PHTF2: variants seen among roughly 807,000 people sequenced by gnomAD.
PHTF2 encodes the protein protein PHTF2.
A neutral mutation model predicts 101.2 loss-of-function variants in PHTF2; 60 were observed. The ratio of observed to expected loss-of-function variants is 0.59; its 90% CI spans 0.48 to 0.73. The LOEUF (loss-of-function observed/expected upper bound fraction) is 0.73, where lower values mean the gene tolerates loss of function less well. Among genes scored for constraint, PHTF2 ranks in the 30% least tolerant of loss-of-function variants. PHTF2 has a pLI of 0.00. For missense variants in PHTF2, 747 were observed against 908.7 expected (o/e 0.82, Z 2.29); for synonymous variants, 311 against 307.3 (o/e 1.01, Z -0.13).
At chr7:77,812,798 C>T (rs1262460003) in intron 1 of PHTF2, among the ~76,000 whole-genome samples, 1 of 152,080 alleles carries the variant, frequency 6.6e-6, no homozygotes, top group Non-Finnish European at 1.5e-5. Context: ...ACTGTGTTAG[C>T]CAGGATGGTC....
intron 3 of PHTF2, among the ~76,000 whole-genome samples, chr7:77,880,330 A>G (rs1475074745): frequency 6.6e-6 from 1 of 152,144 alleles, no homozygotes; most frequent in Non-Finnish European, 1.5e-5. Flanking sequence ...GTAACTCAGT[A>G]AATAGGAACA....
intron 3 of PHTF2, among the ~76,000 whole-genome samples, chr7:77,891,445 G>A (rs1800399045): frequency 6.6e-6 from 1 of 151,992 alleles, no homozygotes; most frequent in African/African-American, 2.4e-5. Flanking sequence ...GTTGGTTGTT[G>A]TTTACCTAGA....
chr7:77,952,787 C>A (rs577733747), intron 18 of PHTF2, among the ~76,000 whole-genome samples: 298 of 152,248 alleles, frequency 2.0e-3, no homozygotes, highest in Admixed American at 3.9e-3. Flanking sequence ...TACATAGTCT[C>A]CTAGTCAGAA....
At chr7:77,891,578 TTTTTTG>T (rs1245037648) in intron 3 of PHTF2, among the ~76,000 whole-genome samples, 1 of 30,354 alleles carries the variant, frequency 3.3e-5, no homozygotes, top group Non-Finnish European at 5.8e-5. Context: ...AATATGGTTT[TTTTTTG>T]TTGTTGTTGT....
chr7:77,857,062 G>T (rs1797241024), intron 3 of PHTF2, among the ~76,000 whole-genome samples: 1 of 152,142 alleles, frequency 6.6e-6, no homozygotes, highest in Non-Finnish European at 1.5e-5. Flanking sequence ...GGCCAAACTG[G>T]TGGGTATGTG....
exon 10 of PHTF2, chr7:77,920,339 C>G: frequency 6.2e-7 from 1 of 1,608,608 alleles, no homozygotes; most frequent in Non-Finnish European, 8.5e-7. Context: ...GCTATGTATC[C>G]CTTGATGGGA....
intron 1 of PHTF2, among the ~76,000 whole-genome samples, chr7:77,821,164 C>T (rs560627299): frequency 1.3e-5 from 2 of 151,648 alleles, no homozygotes; most frequent in South Asian, 4.2e-4. Flanking sequence ...AATATATCAT[C>T]TCATTCTCTG....
intron 13 of PHTF2, among the ~76,000 whole-genome samples, chr7:77,938,833 G>C (rs1314282126): frequency 6.6e-6 from 1 of 152,174 alleles, no homozygotes; most frequent in Non-Finnish European, 1.5e-5. Context: ...CTCTGGACTT[G>C]TTTTTAACTT....
intron 1 of PHTF2, among the ~76,000 whole-genome samples, chr7:77,810,609 C>T (rs181731906): frequency 1.3e-5 from 2 of 152,168 alleles, no homozygotes; most frequent in African/African-American, 4.8e-5. Context: ...ACAATCTTGG[C>T]TCACTGCAAC....
Position 77,853,714 on chromosome 7 carries a change from T to C in PHTF2, c.46-1019T>C, listed in dbSNP as rs75866143. On this transcript the variant is annotated intron_variant, in intron 2 of 19. Transcript: ENST00000416283. Reference sequence around the variant, plus strand: ...TGGCCACTCAGCTCTAGATTTTTTTTTCTCTCTCTCTCTTTCTTTTTTTTA... The same window carrying C: ...TGGCCACTCAGCTCTAGATTTTTTTCTCTCTCTCTCTCTTTCTTTTTTTTA... Among the ~76,000 whole-genome samples, 1,107 of 152,010 alleles carry C rather than the reference T, an allele frequency of 7.3e-3. 43 individuals carry two copies. Among genetic ancestry groups the C allele is most frequent in the Admixed American group, 0.052 (800 of 15,252 alleles).
chr7:77,818,300 G>T (rs1190804629), intron 1 of PHTF2, among the ~76,000 whole-genome samples: 1 of 152,096 alleles, frequency 6.6e-6, no homozygotes, highest in African/African-American at 2.4e-5. Flanking sequence ...TGTTGCCTAT[G>T]TTTTTGAGGA....
intron 2 of PHTF2, among the ~76,000 whole-genome samples, chr7:77,847,117 A>AT (rs889475559): frequency 2.6e-5 from 4 of 152,072 alleles, no homozygotes; most frequent in Admixed American, 1.3e-4. Context: ...AAATCTCTGT[A>AT]TTTTTTCAGT....
chr7:77,949,205 G>T (rs1471160436), intron 16 of PHTF2, among the ~76,000 whole-genome samples: 1 of 151,748 alleles, frequency 6.6e-6, no homozygotes, highest in Non-Finnish European at 1.5e-5. Flanking sequence ...AAAGAATGAT[G>T]TAGATAATGT....
At chr7:77,952,325 T>C (rs1195786485) in intron 18 of PHTF2, among the ~76,000 whole-genome samples, 3 of 152,182 alleles carry the variant, frequency 2.0e-5, no homozygotes, top group African/African-American at 7.2e-5. Flanking sequence ...GTTAGAGTTA[T>C]TTATGTTTTC....
At chr7:77,907,924 TG>T (rs1802018803) in intron 7 of PHTF2, 1 of 152,218 alleles carries the variant, frequency 6.6e-6, no homozygotes, top group Non-Finnish European at 1.5e-5. Context: ...TTCTTTTTGC[TG>T]TAGACTTTGG....
At chr7:77,826,630 CTT>C (rs1794714374) in intron 1 of PHTF2, among the ~76,000 whole-genome samples, 2 of 152,182 alleles carry the variant, frequency 1.3e-5, no homozygotes, top group Non-Finnish European at 2.9e-5. Flanking sequence ...CTACCCAACA[CTT>C]TTGGTGGTGT....
At chr7:77,893,903 C>CT in intron 4 of PHTF2, 79 bp from the exon 4 acceptor site, 1 of 1,032,344 alleles carries the variant, frequency 9.7e-7, no homozygotes, top group Non-Finnish European at 1.5e-6. Context: ...TTTTTGTCAG[C>CT]TTTTTTCCCC....
chr7:77,863,418 G>A (rs1036941887), intron 3 of PHTF2, among the ~76,000 whole-genome samples: 33 of 152,102 alleles, frequency 2.2e-4, no homozygotes, highest in Admixed American at 8.5e-4. Flanking sequence ...CTGCTGTTTT[G>A]TCCACTGTGA....
rs187276272 is a variant in PHTF2, at chr7:77,890,327, A to G, written c.148-3281A>G. On this transcript the variant is annotated intron_variant, in intron 3 of 19. Coordinates refer to ENST00000416283, the Ensembl canonical transcript of PHTF2. ...TGCTGGAGTTGCACTGAACCTAGTTATGCCAAGGATTGACATCCATTTCTG... is the reference window on the plus strand; with the variant it reads ...TGCTGGAGTTGCACTGAACCTAGTTGTGCCAAGGATTGACATCCATTTCTG... Among the ~76,000 whole-genome samples the G allele has an allele frequency of 1.7e-4, 26 of 152,308 alleles. No individual in the cohort carries two copies. In the East Asian group the frequency reaches 3.5e-3, roughly 20 times the overall value.
Sources: gnomAD v4.1 joint callset for allele counts (sites outside exome capture counted in the v4.1 genomes callset) on GRCh38, gnomAD v4.1.1 for gene constraint, MANE v1.5 for transcripts, NCBI Gene and HGNC (gene_info 2026-07-23, HGNC 2026-07-21) for gene names.